Variants in UGT1A6 observed in about 807,000 individuals in gnomAD.
UGT1A6 encodes UDP-glucuronosyltransferase 1A6.
In UGT1A6, 32 loss-of-function variants were observed where a neutral mutation model predicts 44.4. That is an observed-to-expected ratio of 0.72 (90% CI 0.54 to 0.97). UGT1A6 has a LOEUF of 0.97. Ranked by LOEUF, UGT1A6 falls within the 50% of genes least tolerant of loss-of-function variation. The pLI is 0.00. For synonymous variants in UGT1A6, 238 were observed against 248.5 expected, an observed-to-expected ratio of 0.96 and a Z score of 0.40; for missense variants, 685 against 661.9, an observed-to-expected ratio of 1.03 and a Z score of -0.38.
chr2:233,706,539 T>G (rs1295467367), intron 1 of UGT1A6, among the ~76,000 whole-genome samples: 2 of 152,120 alleles, frequency 1.3e-5, no homozygotes, highest in Non-Finnish European at 2.9e-5. Context: ...AAACACAGCT[T>G]TTTTTCTAGG....
intron 1 of UGT1A6, chr2:233,761,138 A>G (rs1697686398): frequency 7.4e-6 from 12 of 1,614,200 alleles, no homozygotes; most frequent in Non-Finnish European, 1.0e-5. Context: ...CTTCACCAAA[A>G]TCCACTATCC....
chr2:233,714,694 G>A (rs187411884), intron 1 of UGT1A6, among the ~76,000 whole-genome samples: 374 of 152,256 alleles, frequency 2.5e-3, no homozygotes, highest in Non-Finnish European at 4.0e-3. Flanking sequence ...TTCAACATGT[G>A]AACTGTTTAA....
intron 1 of UGT1A6, among the ~76,000 whole-genome samples, chr2:233,759,599 A>C (rs759174): frequency 0.51 from 55,428 of 108,528 alleles, 10,119 homozygotes; most frequent in African/African-American, 0.62. Flanking sequence ...CCCACCCCCG[A>C]CCCGCCCCAC....
chr2:233,719,531 G>A (rs377261801), intron 1 of UGT1A6: 2 of 1,613,928 alleles, frequency 1.2e-6, no homozygotes, highest in Admixed American at 1.7e-5. Flanking sequence ...TTGCCTCTGA[G>A]CTTTTTCAGA....
intron 1 of UGT1A6, chr2:233,760,227 T>G: frequency 6.3e-7 from 1 of 1,581,154 alleles, no homozygotes; most frequent in Non-Finnish European, 8.5e-7. Flanking sequence ...ATCGATTGGT[T>G]TTTGCCATAT....
At chr2:233,767,405 A>G (rs1699388437) in intron 2 of UGT1A6, among the ~76,000 whole-genome samples, 1 of 152,206 alleles carries the variant, frequency 6.6e-6, no homozygotes, top group Admixed American at 6.5e-5. Flanking sequence ...ATTTTCTCTA[A>G]GAGACTCAAA....
chr2:233,697,453 T>G (rs2075391734), intron 1 of UGT1A6, among the ~76,000 whole-genome samples: 1 of 151,932 alleles, frequency 6.6e-6, no homozygotes, highest in Non-Finnish European at 1.5e-5. Context: ...TTTATCTGAG[T>G]GTTTTCTCTT....
chr2:233,697,516 A>T (rs6715829), intron 1 of UGT1A6, among the ~76,000 whole-genome samples: 54,219 of 147,148 alleles, frequency 0.37, 10,143 homozygotes, highest in African/African-American at 0.45. Flanking sequence ...TTTTTTTTTT[A>T]AAAAACTTTT....
At position 233,755,143 on chromosome 2, in the gene UGT1A6, C is replaced by A. The variant is rs1695780518; in HGVS notation, c.862-11891C>A. On this transcript the variant is annotated intron_variant, in intron 1 of 4. Transcript: ENST00000305139. Reference sequence around the variant, plus strand: ...TCAGCCACCTGCTTGAATCTTCTCACCGCTTCCTCCCTGTCCTCGGGGTTT... The same window carrying A: ...TCAGCCACCTGCTTGAATCTTCTCAACGCTTCCTCCCTGTCCTCGGGGTTT... The A allele has an allele frequency of 1.1e-5, 14 of 1,305,072 alleles. No homozygotes were observed. The South Asian group carries it at 1.6e-4, about 15-fold the overall frequency. 80.8% of individuals were successfully genotyped at this position (1,305,072 alleles called of 1,614,324 possible). A position where few individuals can be genotyped will look rare whatever the true frequency, so the allele number is the denominator to read the frequency against.
chr2:233,718,833 C>T, intron 1 of UGT1A6: 2 of 1,613,592 alleles, frequency 1.2e-6, no homozygotes, highest in Non-Finnish European at 8.5e-7. Context: ...GGCCAGAGGA[C>T]TCCAGGTTCC....
chr2:233,770,138 C>T (rs1700024160), intron 4 of UGT1A6: 1 of 152,234 alleles, frequency 6.6e-6, no homozygotes. Context: ...TCCTCTAATA[C>T]ATTATTTTTT....
chr2:233,717,210 G>A (rs145684488), intron 1 of UGT1A6, among the ~76,000 whole-genome samples: 64 of 152,210 alleles, frequency 4.2e-4, no homozygotes, highest in Non-Finnish European at 9.1e-4. Flanking sequence ...CCCTCACCCC[G>A]GGCTCATCAG....
In UGT1A6 at chr2:233,769,368, G is replaced by T. The variant is rs1276563226; in HGVS notation, c.1301+929G>T. ...TGGGAAGAAGTGGTGGCCAGTGGTA[G>T]ATTTCATCCGACAATAGATACTGTG... On this transcript the variant is annotated intron_variant, in intron 4 of 4. Coordinates refer to ENST00000305139, the MANE Select transcript of UGT1A6 (RefSeq NM_001072.4). This position sits in a 1 kb window ranked among gnomAD's most constrained non-coding sequence, Gnocchi z 4.4. Among the ~76,000 whole-genome samples the T allele has an allele frequency of 6.6e-6, 1 of 152,222 alleles. No homozygotes were observed. The highest frequency in any genetic ancestry group is 1.5e-5 in the Non-Finnish European group (1 of 68,036).
chr2:233,757,535 AATATAT>A (rs67292694), intron 1 of UGT1A6, among the ~76,000 whole-genome samples: 4 of 88,308 alleles, frequency 4.5e-5, no homozygotes, highest in East Asian at 2.8e-4. Flanking sequence ...GCCTGTAAGG[AATATAT>A]ATATATATAT....
intron 1 of UGT1A6, among the ~76,000 whole-genome samples, chr2:233,764,468 T>G (rs553812675): frequency 1.3e-5 from 2 of 152,324 alleles, no homozygotes; most frequent in Middle Eastern, 6.8e-3. Context: ...GATCTCCTGC[T>G]ATTTAACTTC....
intron 1 of UGT1A6, among the ~76,000 whole-genome samples, chr2:233,722,870 A>ATTTTTT: frequency 7.8e-6 from 1 of 127,982 alleles, no homozygotes; most frequent in Non-Finnish European, 1.7e-5. Context: ...GAAGGAAAAA[A>ATTTTTT]TAAATTTATT....
In UGT1A6 at chr2:233,769,763, G is replaced by A; in HGVS notation, c.1301+1324G>A. 4 of 1,411,540 alleles carry A rather than the reference G, an allele frequency of 2.8e-6. No homozygotes were observed. The South Asian group carries it at 4.7e-5, about 17-fold the overall frequency. The allele number at this position is 1,411,540 out of a possible 1,614,324, so 87.4% of individuals were successfully genotyped here. A position where few individuals can be genotyped will look rare whatever the true frequency, so the allele number is the denominator to read the frequency against. ...CCAGCCACTCTGGAGGCTAAGGCGG[G>A]AGGATTGCTTGAGCCCAGAAGTTGG... On this transcript the variant is annotated intron_variant, in intron 4 of 4. Transcript: ENST00000305139. The surrounding 1 kb of genome is among the most constrained non-coding windows in gnomAD (Gnocchi z 4.4).
chr2:233,698,310 A>G (rs922049973), intron 1 of UGT1A6, among the ~76,000 whole-genome samples: 1 of 152,222 alleles, frequency 6.6e-6, no homozygotes, highest in Non-Finnish European at 1.5e-5. Flanking sequence ...GGACAGATGG[A>G]AATGTCTGGA....
intron 1 of UGT1A6, among the ~76,000 whole-genome samples, chr2:233,717,328 C>T (rs2076563793): frequency 6.6e-6 from 1 of 152,198 alleles, no homozygotes; most frequent in Non-Finnish European, 1.5e-5. Context: ...TGTGTCCTCA[C>T]AAATCCCCAG....
Sources: gnomAD v4.1 joint callset for allele counts (sites outside exome capture counted in the v4.1 genomes callset) on GRCh38, gnomAD v4.1.1 for gene constraint, Gnocchi (gnomAD v3.1) non-coding constraint, MANE v1.5 for transcripts, NCBI Gene and HGNC (gene_info 2026-07-23, HGNC 2026-07-21) for gene names.